PHF14: variants seen among roughly 807,000 people sequenced by gnomAD.
PHF14 encodes the protein PHD finger protein 14.
A neutral mutation model predicts 117.9 loss-of-function variants in PHF14; 55 were observed. That is an observed-to-expected ratio of 0.47 (90% CI 0.38 to 0.58). PHF14 has a LOEUF of 0.58. Ranked by LOEUF, PHF14 falls within the 20% of genes least tolerant of loss-of-function variation. The pLI is 0.00. For synonymous variants in PHF14, 409 were observed against 368.6 expected (o/e 1.11, Z -1.26); for missense variants, 978 against 1,122.2 (o/e 0.87, Z 1.84).
intron 4 of PHF14, among the ~76,000 whole-genome samples, chr7:11,005,324 G>C (rs1259167009): frequency 6.6e-6 from 1 of 152,188 alleles, no homozygotes; most frequent in Non-Finnish European, 1.5e-5. Flanking sequence ...ACTGTGTAAA[G>C]AAATTCTCTT....
chr7:11,165,070 G>A (rs997017118), intron 17 of PHF14, among the ~76,000 whole-genome samples: 1 of 152,046 alleles, frequency 6.6e-6, no homozygotes, highest in Non-Finnish European at 1.5e-5. Flanking sequence ...GACTATAGGC[G>A]CCCGCCACCA....
At position 11,148,197 on chromosome 7, in the gene PHF14, C is replaced by G. The variant is rs564984530; in HGVS notation, c.2773-21219C>G. On this transcript the variant is annotated intron_variant, in intron 17 of 17. Transcript: ENST00000634607. Reference sequence around the variant, plus strand: ...AATTTCTACCCATCTTTCTCTATACCTCAACCAGAATAAGCTTAAAACCCA... The same window carrying G: ...AATTTCTACCCATCTTTCTCTATACGTCAACCAGAATAAGCTTAAAACCCA... 6.6e-5 allele frequency among the ~76,000 whole-genome samples: 10 copies of G among 152,230 alleles called. No homozygotes were observed. The East Asian group carries it at 1.5e-3, about 24-fold the overall frequency.
chr7:11,048,125 A>G (rs1784738399), intron 13 of PHF14, among the ~76,000 whole-genome samples: 1 of 152,234 alleles, frequency 6.6e-6, no homozygotes, highest in Non-Finnish European at 1.5e-5. Flanking sequence ...TATAAATTTT[A>G]GGACTCTATT....
intron 17 of PHF14, among the ~76,000 whole-genome samples, chr7:11,152,634 CTT>C (rs1480448261): frequency 1.3e-5 from 2 of 151,626 alleles, no homozygotes; most frequent in African/African-American, 4.9e-5. Flanking sequence ...ATAAGACTAA[CTT>C]ATAAGGATAT....
Position 11,132,387 on chromosome 7 carries a change from G to A in PHF14, c.2772+20920G>A, listed in dbSNP as rs73286506. 1.4e-3 allele frequency among the ~76,000 whole-genome samples: 209 copies of A among 148,100 alleles called. 2 individuals carry two copies. Among genetic ancestry groups the A allele is most frequent in the African/African-American group, 5.1e-3 (205 of 40,184 alleles). Reference sequence around the variant, plus strand: ...TGCCTGGCTTGTTTCACTTAGTCTTGTGTCCTCCAGGTCCATCCATGTTGT... The same window carrying A: ...TGCCTGGCTTGTTTCACTTAGTCTTATGTCCTCCAGGTCCATCCATGTTGT... On this transcript the variant is annotated intron_variant, in intron 17 of 17. Transcript: ENST00000634607.
intron 4 of PHF14, among the ~76,000 whole-genome samples, chr7:11,001,063 A>T (rs113252395): frequency 0.015 from 2,275 of 152,128 alleles, 44 homozygotes; most frequent in African/African-American, 0.052. Context: ...GTCTGAATTT[A>T]TTTTTGTTAC....
intron 16 of PHF14, among the ~76,000 whole-genome samples, chr7:11,101,226 C>T (rs1404394839): frequency 6.6e-6 from 1 of 151,738 alleles, no homozygotes; most frequent in African/African-American, 2.4e-5. Flanking sequence ...AGCAGATTTC[C>T]ATATCTAATG....
intron 12 of PHF14, among the ~76,000 whole-genome samples, chr7:11,041,144 A>G (rs1784492283): frequency 6.6e-6 from 1 of 152,064 alleles, no homozygotes; most frequent in African/African-American, 2.4e-5. Context: ...TCATATATGT[A>G]TATATATAGA....
chr7:11,003,181 C>T lies in PHF14; in HGVS notation c.1046-10566C>T, dbSNP rs149408560. On this transcript the variant is annotated intron_variant, in intron 4 of 17. Coordinates refer to ENST00000634607, the MANE Select transcript of PHF14 (RefSeq NM_001007157.2). ...GTCTTGATCTCCTGACCTCGTGGTC[C>T]GCCCGCCTTGGCCTCCCAAAGTGCT... is the stretch of plus-strand genomic sequence containing the variant. Among the ~76,000 whole-genome samples the T allele has an allele frequency of 1.2e-4, 18 of 152,252 alleles. No homozygotes were observed. The East Asian group carries it at 1.9e-3, about 16-fold the overall frequency.
chr7:10,982,344 G>GT, intron 2 of PHF14, 28 bp from the exon 3 acceptor site: 2 of 1,467,274 alleles, frequency 1.4e-6, no homozygotes, highest in Non-Finnish European at 1.8e-6. Flanking sequence ...ACATATGTGT[G>GT]GTTTTTTTTT....
chr7:11,139,747 A>T (rs995669704), intron 17 of PHF14, among the ~76,000 whole-genome samples: 19 of 152,216 alleles, frequency 1.2e-4, no homozygotes, highest in Non-Finnish European at 2.6e-4. Flanking sequence ...TAGAAAATAT[A>T]AGACAGATAA....
Position 11,047,766 on chromosome 7 carries a change from ACAGAGTGAGACTCT to A in PHF14, c.2313-3845_2313-3832del, listed in dbSNP as rs145594515. 5.9e-3 allele frequency among the ~76,000 whole-genome samples: 861 copies of A among 145,070 alleles called. 7 individuals carry two copies. Among genetic ancestry groups the A allele is most frequent in the African/African-American group, 0.021 (822 of 39,656 alleles). On this transcript the variant is annotated intron_variant, in intron 13 of 17. Transcript: ENST00000634607. ...GCGCCAGTGCTCTCCAATCTGGGTGACAGAGTGAGACTCTGTCTCACAAAAAGACAGAAGAAGAG... is the reference window on the plus strand; with the variant it reads ...GCGCCAGTGCTCTCCAATCTGGGTGAGTCTCACAAAAAGACAGAAGAAGAG...
chr7:11,006,341 C>T, intron 4 of PHF14: 3 of 417,582 alleles, frequency 7.2e-6, no homozygotes, highest in South Asian at 1.9e-5. Flanking sequence ...CATTTCTTTT[C>T]TTTTTTTTTC....
At chr7:11,096,520 A>G (rs922124170) in intron 16 of PHF14, among the ~76,000 whole-genome samples, 2 of 152,184 alleles carry the variant, frequency 1.3e-5, no homozygotes, top group Admixed American at 6.5e-5. Flanking sequence ...AGGGAACTGG[A>G]TGCCATTTTC....
chr7:11,144,978 C>T (rs555463008), intron 17 of PHF14, among the ~76,000 whole-genome samples: 5 of 151,826 alleles, frequency 3.3e-5, no homozygotes, highest in South Asian at 4.1e-4. Context: ...GTGGTATAAA[C>T]GGGAACAGAG....
At chr7:11,126,734 C>T (rs1583486368) in intron 17 of PHF14, among the ~76,000 whole-genome samples, 1 of 142,040 alleles carries the variant, frequency 7.0e-6, no homozygotes, top group East Asian at 2.1e-4. Flanking sequence ...GGGTAAAATA[C>T]AGTTAGCTGT....
intron 14 of PHF14, among the ~76,000 whole-genome samples, chr7:11,052,337 G>A (rs1173036544): frequency 6.6e-6 from 1 of 152,162 alleles, no homozygotes; most frequent in African/African-American, 2.4e-5. Flanking sequence ...TGTCACTAAT[G>A]TATAGTTTTC....
intron 17 of PHF14, among the ~76,000 whole-genome samples, chr7:11,168,652 A>G (rs1789280676): frequency 6.6e-6 from 1 of 152,222 alleles, no homozygotes; most frequent in African/African-American, 2.4e-5. Flanking sequence ...TAAATGATAA[A>G]TCAGAAATAT....
At position 11,013,782 on chromosome 7, in the gene PHF14, A is replaced by G. The variant is rs754145388; in HGVS notation, c.1081A>G (p.Met361Val). 4 of 1,602,398 alleles carry G rather than the reference A, an allele frequency of 2.5e-6. No homozygotes were observed. Among genetic ancestry groups the G allele is most frequent in the Non-Finnish European group, 3.4e-6 (4 of 1,171,926 alleles). Residue 361 changes from methionine (M) to valine (V), a missense_variant, in exon 5 of 18, where the codon ATG (methionine) becomes GTG (valine). Met to Val is a conservative substitution (Grantham distance 21). Transcript: ENST00000634607. Reference sequence around the variant, plus strand: ...AGTTGATGGAGAGAGTGACTCTATTATGAGTTCAGCTTCTGAAAACTCCAC... The same window carrying G: ...AGTTGATGGAGAGAGTGACTCTATTGTGAGTTCAGCTTCTGAAAACTCCAC... ...YGVDGESDSI[M>V]SSASENSTEP...
Sources: gnomAD v4.1 joint callset for allele counts (sites outside exome capture counted in the v4.1 genomes callset) on GRCh38, gnomAD v4.1.1 for gene constraint, MANE v1.5 for transcripts, NCBI Gene and HGNC (gene_info 2026-07-23, HGNC 2026-07-21) for gene names.